PCCA: variants seen among roughly 807,000 people sequenced by gnomAD.
PCCA encodes propionyl-CoA carboxylase alpha chain, mitochondrial.
A neutral mutation model predicts 101.3 loss-of-function variants in PCCA; 74 were observed. The ratio of observed to expected loss-of-function variants is 0.73; its 90% CI spans 0.61 to 0.89. The LOEUF is 0.89. Ranked by LOEUF, PCCA falls within the 40% of genes least tolerant of loss-of-function variation. The probability of loss-of-function intolerance (pLI) is 0.00; values close to 1 mark genes in which losing one functional copy is unlikely to be tolerated. For missense variants in PCCA, 891 were observed against 907.0 expected, an observed-to-expected ratio of 0.98 and a Z score of 0.23; for synonymous variants, 294 against 313.6, an observed-to-expected ratio of 0.94 and a Z score of 0.66.
chr13:100,158,657 A>G (rs1321880842), intron 6 of PCCA, among the ~76,000 whole-genome samples: 4 of 152,190 alleles, frequency 2.6e-5, no homozygotes, highest in Non-Finnish European at 5.9e-5. Context: ...GTATGTGTGT[A>G]TATATATAAT....
At chr13:100,352,726 G>A (rs2073429665) in intron 18 of PCCA, among the ~76,000 whole-genome samples, 1 of 151,772 alleles carries the variant, frequency 6.6e-6, no homozygotes, top group Admixed American at 6.6e-5. Flanking sequence ...TCCAGAGACA[G>A]GGTCTTGCTC....
chr13:100,235,948 T>C, intron 8 of PCCA, 70 bp downstream of exon 8: 1 of 924,512 alleles, frequency 1.1e-6, no homozygotes, highest in Non-Finnish European at 1.8e-6. Context: ...CAACAGGTAA[T>C]AAGTAATTCC....
chr13:100,433,875 A>C (rs775938429), intron 20 of PCCA, among the ~76,000 whole-genome samples: 20 of 152,244 alleles, frequency 1.3e-4, no homozygotes, highest in Non-Finnish European at 2.9e-4. Flanking sequence ...TGATTTATTT[A>C]ATCAAAGTTT....
intron 4 of PCCA, among the ~76,000 whole-genome samples, chr13:100,128,659 A>G (rs946898164): frequency 6.6e-6 from 1 of 152,128 alleles, no homozygotes. Context: ...GTACTCTACT[A>G]TAGAGTTCTT....
chr13:100,138,458 T>C (rs2051447099), intron 4 of PCCA, among the ~76,000 whole-genome samples: 1 of 152,202 alleles, frequency 6.6e-6, no homozygotes, highest in South Asian at 2.1e-4. Context: ...CAGACAATGT[T>C]AAAATTTTTG....
chr13:100,276,213 CAAAAAA>C (rs59671834), intron 12 of PCCA, among the ~76,000 whole-genome samples: 103 of 102,128 alleles, frequency 1.0e-3, no homozygotes, highest in African/African-American at 4.3e-3. Context: ...TTGTCTGTAC[CAAAAAA>C]AAAAAAAAAA....
intron 4 of PCCA, among the ~76,000 whole-genome samples, chr13:100,114,257 G>GA (rs2048587168): frequency 6.6e-6 from 1 of 152,014 alleles, no homozygotes; most frequent in South Asian, 2.1e-4. Flanking sequence ...AACTCTATAG[G>GA]AAAAAAATCT....
chr13:100,405,196 C>T (rs1345252757), intron 19 of PCCA, among the ~76,000 whole-genome samples: 1 of 152,200 alleles, frequency 6.6e-6, no homozygotes, highest in Non-Finnish European at 1.5e-5. Flanking sequence ...CTTGGTCTTA[C>T]TTTACCCAAA....
intron 21 of PCCA, among the ~76,000 whole-genome samples, chr13:100,456,349 G>T (rs1391875252): frequency 6.6e-6 from 1 of 152,164 alleles, no homozygotes; most frequent in Non-Finnish European, 1.5e-5. Flanking sequence ...GTTAGGTGTG[G>T]ACTTTTATGA....
At chr13:100,126,502 T>C (rs1319104895) in intron 4 of PCCA, among the ~76,000 whole-genome samples, 1 of 152,140 alleles carries the variant, frequency 6.6e-6, no homozygotes, top group East Asian at 1.9e-4. Context: ...CATGAATCTT[T>C]TCCACCATCA....
chr13:100,393,079 G>A (rs2076881364), intron 19 of PCCA, among the ~76,000 whole-genome samples: 1 of 152,176 alleles, frequency 6.6e-6, no homozygotes, highest in South Asian at 2.1e-4. Flanking sequence ...GGTGTTAGTT[G>A]TATGTCTCTC....
At chr13:100,246,165 A>G (rs1724086529) in intron 8 of PCCA, among the ~76,000 whole-genome samples, 2 of 152,170 alleles carry the variant, frequency 1.3e-5, no homozygotes, top group South Asian at 2.1e-4. Flanking sequence ...AATACTTACA[A>G]CAGTTGGGGC....
At chr13:100,481,806 G>T (rs146429449) in intron 21 of PCCA, among the ~76,000 whole-genome samples, 16 of 152,178 alleles carry the variant, frequency 1.1e-4, no homozygotes, top group African/African-American at 3.9e-4. Context: ...AATGTTTCTG[G>T]ACCATGGTTG....
intron 8 of PCCA, among the ~76,000 whole-genome samples, chr13:100,241,506 T>C (rs1291214660): frequency 2.0e-5 from 3 of 152,228 alleles, no homozygotes; most frequent in African/African-American, 7.2e-5. Context: ...GGTCTCGCTC[T>C]TTTACCCAGG....
intron 4 of PCCA, among the ~76,000 whole-genome samples, chr13:100,124,487 A>G (rs1484084049): frequency 1.3e-5 from 2 of 152,202 alleles, no homozygotes; most frequent in Admixed American, 6.5e-5. Flanking sequence ...TCAGGATTCT[A>G]TAATGAGATT....
chr13:100,112,594 T>G (rs63420261), intron 4 of PCCA, among the ~76,000 whole-genome samples: 2 of 132,862 alleles, frequency 1.5e-5, no homozygotes, highest in Non-Finnish European at 3.2e-5. Context: ...TTTTTTTTTT[T>G]GGGACAGAGT....
At chr13:100,417,938 A>T (rs1381520948) in intron 19 of PCCA, among the ~76,000 whole-genome samples, 2 of 151,890 alleles carry the variant, frequency 1.3e-5, no homozygotes, top group East Asian at 3.9e-4. Flanking sequence ...TTGAAATCAC[A>T]TCATCAGTCT....
intron 22 of PCCA, chr13:100,527,456 A>AT (rs542039609): frequency 0.03 from 13,385 of 446,632 alleles, 22 homozygotes; most frequent in East Asian, 0.092. Flanking sequence ...AGGGTCAGGG[A>AT]TTTTTTTTTT....
chr13:100,289,991 C>T (rs1044106601), intron 12 of PCCA, among the ~76,000 whole-genome samples: 1 of 152,102 alleles, frequency 6.6e-6, no homozygotes, highest in Non-Finnish European at 1.5e-5. Context: ...AATGTCACAT[C>T]CTCAACTATG....
Sources: allele counts gnomAD v4.1 joint callset (sites outside exome capture counted in the v4.1 genomes callset), GRCh38; gene constraint gnomAD v4.1.1; transcripts MANE v1.5; gene names NCBI Gene and HGNC (gene_info 2026-07-23, HGNC 2026-07-21).